Variants in NLGN4Y observed in about 807,000 individuals in gnomAD.
NLGN4Y encodes the protein neuroligin-4, Y-linked.
Under a neutral mutation model 8.4 loss-of-function variants are expected in NLGN4Y, and 4 were observed. The observed-to-expected ratio is 0.48, with a 90% CI of 0.23 to 1.09. The LOEUF (loss-of-function observed/expected upper bound fraction) is 1.09, where lower values mean the gene tolerates loss of function less well. Ranked by LOEUF, NLGN4Y falls within the 50% of genes least tolerant of loss-of-function variation. NLGN4Y has a pLI of 0.19. For synonymous variants in NLGN4Y, 35 were observed against 75.6 expected (o/e 0.46, Z 2.78); for missense variants, 90 against 192.3 (o/e 0.47, Z 3.15).
intron 2 of NLGN4Y, among the ~76,000 whole-genome samples, chrY:14,679,125 G>C (rs776420621): frequency 2.0e-3 from 66 of 32,901 alleles, no homozygotes; most frequent in Middle Eastern, 0.013. Context: ...GAGACCACAG[G>C]TGTGCACCAC....
intron 1 of NLGN4Y, among the ~76,000 whole-genome samples, chrY:14,590,416 TCCTG>T (rs2080366265): frequency 5.9e-5 from 2 of 33,739 alleles, no homozygotes; most frequent in Non-Finnish European, 1.5e-4. Flanking sequence ...TTTGGCTACT[TCCTG>T]CTGCATAGGG....
chrY:14,691,527 G>A (rs2080809460), intron 2 of NLGN4Y, among the ~76,000 whole-genome samples: 1 of 33,217 alleles, frequency 3.0e-5, no homozygotes, highest in Non-Finnish European at 7.5e-5. Flanking sequence ...ATTGTTTAGA[G>A]CTTCAGGCAG....
intron 2 of NLGN4Y, among the ~76,000 whole-genome samples, chrY:14,682,920 C>A: frequency 1.2e-4 from 4 of 32,872 alleles, no homozygotes; most frequent in Admixed American, 1.1e-3. Context: ...AATTGCTTGA[C>A]CCTGAGAGAT....
chrY:14,678,868 C>G (rs775211681), intron 2 of NLGN4Y, among the ~76,000 whole-genome samples: 1 of 33,267 alleles, frequency 3.0e-5, no homozygotes, highest in South Asian at 6.7e-4. Context: ...TTCTGCTTGG[C>G]ATAGTGGCTT....
At chrY:14,598,669 G>T in intron 1 of NLGN4Y, among the ~76,000 whole-genome samples, 1 of 32,132 alleles carries the variant, frequency 3.1e-5, no homozygotes, top group South Asian at 7.2e-4. Flanking sequence ...GTACTGAAGG[G>T]CTCCTCAAAT....
chrY:14,668,697 A>G, intron 2 of NLGN4Y, among the ~76,000 whole-genome samples: 1 of 33,100 alleles, frequency 3.0e-5, no homozygotes, highest in Admixed American at 2.8e-4. Flanking sequence ...TTTATGAAGA[A>G]AAGAGGCTTA....
chrY:14,691,748 G>A (rs747823428), intron 2 of NLGN4Y, among the ~76,000 whole-genome samples: 20 of 32,759 alleles, frequency 6.1e-4, no homozygotes, highest in Non-Finnish European at 1.4e-3. Flanking sequence ...GTTGAAATAC[G>A]CCCTTCTTAA....
At chrY:14,576,363 C>T (rs985720082) in intron 1 of NLGN4Y, among the ~76,000 whole-genome samples, 9 of 33,666 alleles carry the variant, frequency 2.7e-4, no homozygotes, top group Non-Finnish European at 5.9e-4. Flanking sequence ...TGAGTGAGGA[C>T]TTTGTGGGTG....
At chrY:14,634,404 A>G in intron 2 of NLGN4Y, among the ~76,000 whole-genome samples, 1 of 33,027 alleles carries the variant, frequency 3.0e-5, no homozygotes, top group Non-Finnish European at 7.4e-5. Flanking sequence ...CCTGGGCAAC[A>G]TGACTAAACC....
chrY:14,621,173 G>A lies in NLGN4Y; in HGVS notation c.-111-836G>A, dbSNP rs372374392. On this transcript the variant is annotated intron_variant, in intron 1 of 6. Coordinates refer to ENST00000684976, the MANE Select transcript of NLGN4Y (RefSeq NM_001365588.1). ...CACTTGAGTAGAACAAGGAAAATTC[G>A]TGTCCAAAGTCTACACTCTTTTCAT... is the stretch of plus-strand genomic sequence containing the variant. Among the ~76,000 whole-genome samples the A allele has an allele frequency of 5.3e-3, 167 of 31,583 alleles. No individual in the cohort carries two copies. The South Asian group carries it at 0.11, about 20-fold the overall frequency. The allele number at this position is 31,583 out of a possible 37,273, so 84.7% of individuals were successfully genotyped here.
chrY:14,711,595 G>T, intron 2 of NLGN4Y, among the ~76,000 whole-genome samples: 3 of 32,373 alleles, frequency 9.3e-5, no homozygotes, highest in African/African-American at 3.6e-4. Flanking sequence ...CAACTTTCAG[G>T]TACTCAACCT....
chrY:14,793,862 A>C, intron 4 of NLGN4Y: 1 of 29,660 alleles, frequency 3.4e-5, no homozygotes, highest in Admixed American at 3.2e-4. Context: ...GTGGTGGTGC[A>C]CTCCTGTAAT....
chrY:14,705,666 T>C, intron 2 of NLGN4Y, among the ~76,000 whole-genome samples: 2 of 33,650 alleles, frequency 5.9e-5, no homozygotes, highest in African/African-American at 2.3e-4. Flanking sequence ...TCTAAAACTT[T>C]CCAAAATTAC....
At chrY:14,542,430 C>G (rs916430022) in intron 1 of NLGN4Y, among the ~76,000 whole-genome samples, 52 of 33,317 alleles carry the variant, frequency 1.6e-3, no homozygotes, top group South Asian at 2.7e-3. Context: ...GACTTGAACT[C>G]CGCTCTGGAT....
chrY:14,626,293 G>C, intron 2 of NLGN4Y, among the ~76,000 whole-genome samples: 2 of 33,391 alleles, frequency 6.0e-5, no homozygotes, highest in Non-Finnish European at 1.5e-4. Context: ...GACCTTCGTG[G>C]TGAGTGTTAC....
At chrY:14,640,301 G>A in intron 2 of NLGN4Y, 1 of 126,473 alleles carries the variant, frequency 7.9e-6, no homozygotes, top group African/African-American at 1.0e-4. Context: ...TCCCCAGGAA[G>A]CTGCAGCTTT....
At chrY:14,642,030 C>T in intron 2 of NLGN4Y, among the ~76,000 whole-genome samples, 2 of 33,856 alleles carry the variant, frequency 5.9e-5, no homozygotes, top group Non-Finnish European at 1.5e-4. Flanking sequence ...TCTTGGTTTC[C>T]ATGCTTTGAT....
At chrY:14,657,939 G>T (rs2080660037) in intron 2 of NLGN4Y, among the ~76,000 whole-genome samples, 1 of 33,313 alleles carries the variant, frequency 3.0e-5, no homozygotes, top group African/African-American at 1.2e-4. Flanking sequence ...TGCCCAGGGT[G>T]TTCTTGAACT....
At chrY:14,612,091 C>G (rs2080471623) in intron 1 of NLGN4Y, among the ~76,000 whole-genome samples, 1 of 33,693 alleles carries the variant, frequency 3.0e-5, no homozygotes, top group African/African-American at 1.2e-4. Flanking sequence ...GCTATTGGTA[C>G]TTGTGTATGC....
Sources: allele counts gnomAD v4.1 joint callset (sites outside exome capture counted in the v4.1 genomes callset), GRCh38; gene constraint gnomAD v4.1.1; transcripts MANE v1.5; gene names NCBI Gene and HGNC (gene_info 2026-07-23, HGNC 2026-07-21).